MCC: variants seen among roughly 807,000 people sequenced by gnomAD.
MCC encodes colorectal mutant cancer protein.
MCC carries 90 observed loss-of-function variants against 116.2 expected under a neutral mutation model. The observed-to-expected ratio is 0.77, with a 90% CI of 0.65 to 0.92. The LOEUF (loss-of-function observed/expected upper bound fraction) is 0.92. Ranked by LOEUF, MCC falls within the 40% of genes least tolerant of loss-of-function variation. The probability of loss-of-function intolerance (pLI) is 0.00; values close to 1 mark genes in which losing one functional copy is unlikely to be tolerated. For missense variants in MCC, 1,516 were observed against 1,312.2 expected (o/e 1.16, Z -2.40); for synonymous variants, 578 against 510.5 (o/e 1.13, Z -1.78).
chr5:113,132,790 A>G (rs1758540762), intron 5 of MCC, among the ~76,000 whole-genome samples: 1 of 152,148 alleles, frequency 6.6e-6, no homozygotes, highest in South Asian at 2.1e-4. Context: ...CATGTGTTTC[A>G]GACATAGTAC....
chr5:113,467,832 C>A (rs1771959425), intron 1 of MCC, among the ~76,000 whole-genome samples: 1 of 152,208 alleles, frequency 6.6e-6, no homozygotes, highest in South Asian at 2.1e-4. Flanking sequence ...AATGTTCTTG[C>A]ATTTCTTTGT....
chr5:113,259,181 T>C (rs1467146735), intron 3 of MCC, among the ~76,000 whole-genome samples: 1 of 152,228 alleles, frequency 6.6e-6, no homozygotes, highest in East Asian at 1.9e-4. Flanking sequence ...CTTAGAAAGG[T>C]ACTTCTCCAA....
At chr5:113,310,579 TTAAG>T (rs1767113727) in intron 3 of MCC, among the ~76,000 whole-genome samples, 1 of 152,240 alleles carries the variant, frequency 6.6e-6, no homozygotes, top group Non-Finnish European at 1.5e-5. Context: ...ATCTAAATTA[TTAAG>T]TTTTTGTTCT....
At chr5:113,431,071 C>CA (rs1463463489) in intron 1 of MCC, among the ~76,000 whole-genome samples, 1 of 151,898 alleles carries the variant, frequency 6.6e-6, no homozygotes, top group Non-Finnish European at 1.5e-5. Context: ...GCTATGGTGT[C>CA]AGAAGAGTAG....
chr5:113,144,327 A>G (rs988035711), intron 4 of MCC, among the ~76,000 whole-genome samples: 55 of 152,218 alleles, frequency 3.6e-4, no homozygotes, highest in African/African-American at 1.3e-3. Flanking sequence ...ATAATAAAAT[A>G]CTCCTCAGTG....
intron 5 of MCC, among the ~76,000 whole-genome samples, chr5:113,137,886 GGATT>G (rs1758933834): frequency 6.6e-6 from 1 of 152,062 alleles, no homozygotes; most frequent in Non-Finnish European, 1.5e-5. Flanking sequence ...ACTATGATTT[GGATT>G]GAGTCCATAA....
rs1018211887 is a variant in MCC, at chr5:113,027,175, C to G, written c.*127G>C. On this transcript the variant is annotated 3_prime_UTR_variant, in exon 19 of 19. Transcript: ENST00000408903. ...GGGTTGAGTTGGGGCACTCCATTGT[C>G]CAAGTGCCGACCTACCTGCCAGCCT... 1.2e-5 allele frequency: 11 copies of G among 949,270 alleles called. No individual in the cohort carries two copies. The African/African-American group carries it at 1.6e-4, about 14-fold the overall frequency. The allele number at this position is 949,270 out of a possible 1,614,324, so 58.8% of individuals were successfully genotyped here. A position where few individuals can be genotyped will look rare whatever the true frequency, so the allele number is the denominator to read the frequency against.
intron 5 of MCC, among the ~76,000 whole-genome samples, chr5:113,126,969 A>G (rs920612855): frequency 3.3e-5 from 5 of 152,054 alleles, no homozygotes; most frequent in African/African-American, 1.2e-4. Flanking sequence ...AGATTATTTC[A>G]TCACCCAGCC....
intron 2 of MCC, among the ~76,000 whole-genome samples, chr5:113,358,433 C>A (rs1768465932): frequency 6.6e-6 from 1 of 152,150 alleles, no homozygotes; most frequent in Non-Finnish European, 1.5e-5. Context: ...CCTTTAGCTT[C>A]TTTTCCATCC....
intron 5 of MCC, among the ~76,000 whole-genome samples, chr5:113,142,691 G>A (rs1455881210): frequency 6.6e-6 from 1 of 152,170 alleles, no homozygotes; most frequent in Non-Finnish European, 1.5e-5. Context: ...ATAAATCCAT[G>A]TTGGTAGAGC....
chr5:113,212,556 G>T (rs1372801792), intron 3 of MCC, among the ~76,000 whole-genome samples: 1 of 152,130 alleles, frequency 6.6e-6, no homozygotes, highest in African/African-American at 2.4e-5. Context: ...GACAAAAAAT[G>T]CAAGCCTCTA....
chr5:113,281,353 C>A (rs1390721334), intron 3 of MCC, among the ~76,000 whole-genome samples: 1 of 152,238 alleles, frequency 6.6e-6, no homozygotes, highest in African/African-American at 2.4e-5. Flanking sequence ...AAAATCTTTA[C>A]AGTAATTCAC....
chr5:113,381,490 T>G (rs1245498692), intron 2 of MCC, among the ~76,000 whole-genome samples: 1 of 152,132 alleles, frequency 6.6e-6, no homozygotes, highest in Non-Finnish European at 1.5e-5. Flanking sequence ...AACTAGTATT[T>G]AAAACCATAC....
At chr5:113,127,894 T>C (rs1181429400) in intron 5 of MCC, among the ~76,000 whole-genome samples, 1 of 152,224 alleles carries the variant, frequency 6.6e-6, no homozygotes, top group Admixed American at 6.5e-5. Context: ...GCTTTTGGTG[T>C]CTTTGTCATG....
intron 1 of MCC, among the ~76,000 whole-genome samples, chr5:113,418,671 C>A (rs547733963): frequency 6.8e-6 from 1 of 147,176 alleles, no homozygotes; most frequent in South Asian, 2.1e-4. Context: ...TAACAAGTGG[C>A]AAAATCTTCA....
chr5:113,449,612 A>G, intron 1 of MCC, among the ~76,000 whole-genome samples: 1 of 152,192 alleles, frequency 6.6e-6, no homozygotes, highest in East Asian at 1.9e-4. Flanking sequence ...AAAATTATTT[A>G]CTTCTTTTTT....
In MCC at chr5:113,026,286, TA is replaced by T. The variant is rs1750543443; in HGVS notation, c.*1015del. On this transcript the variant is annotated 3_prime_UTR_variant, in exon 19 of 19. Coordinates refer to ENST00000408903, the MANE Select transcript of MCC (RefSeq NM_001085377.2). ...TGAACTGGGGGTTACACAGCACTCT[TA>T]AGTAGGCGTGATAAGTTTTGCAAAA... 6.6e-6 allele frequency: 1 copy of T among 152,198 alleles called. No homozygotes were observed. Among genetic ancestry groups the T allele is most frequent in the Admixed American group, 6.5e-5 (1 of 15,278 alleles). 9.4% of individuals were successfully genotyped at this position (152,198 alleles called of 1,614,324 possible). A position where few individuals can be genotyped will look rare whatever the true frequency, so the allele number is the denominator to read the frequency against.
At chr5:113,395,618 C>T (rs1769508411) in intron 1 of MCC, among the ~76,000 whole-genome samples, 1 of 152,156 alleles carries the variant, frequency 6.6e-6, no homozygotes, top group East Asian at 1.9e-4. Context: ...CCTCTTTCCC[C>T]CCAGGCTGCT....
chr5:113,087,948 A>C (rs1755319349), intron 8 of MCC, among the ~76,000 whole-genome samples: 1 of 152,246 alleles, frequency 6.6e-6, no homozygotes, highest in South Asian at 2.1e-4. Context: ...AAAAACAGTC[A>C]AAGTGCTTAT....
Sources: allele counts gnomAD v4.1 joint callset (sites outside exome capture counted in the v4.1 genomes callset), GRCh38; gene constraint gnomAD v4.1.1; transcripts MANE v1.5; gene names NCBI Gene and HGNC (gene_info 2026-07-23, HGNC 2026-07-21).